EPHA6: variants seen among roughly 807,000 people sequenced by gnomAD.
The protein encoded by EPHA6 is ephrin type-A receptor 6.
In EPHA6, 50 loss-of-function variants were observed where a neutral mutation model predicts 112.0. The observed-to-expected ratio is 0.45, with a 90% CI of 0.36 to 0.56. The LOEUF (loss-of-function observed/expected upper bound fraction) is 0.56, where lower values mean the gene tolerates loss of function less well. Among genes scored for constraint, EPHA6 ranks in the 20% least tolerant of loss-of-function variants. The pLI, the probability that EPHA6 is intolerant of heterozygous loss-of-function variation, is 0.00. For missense variants in EPHA6, 1,280 were observed against 1,417.4 expected (o/e 0.90, Z 1.56); for synonymous variants, 529 against 490.7 (o/e 1.08, Z -1.03).
chr3:97,010,033 G>A (rs969454916), intron 3 of EPHA6: 3 of 1,283,342 alleles, frequency 2.3e-6, no homozygotes, highest in Non-Finnish European at 3.1e-6. Context: ...CTTCTAGTTG[G>A]CCATCTTGGC....
At chr3:97,551,143 A>G (rs1014962638) in intron 11 of EPHA6, among the ~76,000 whole-genome samples, 11 of 152,156 alleles carry the variant, frequency 7.2e-5, no homozygotes, top group Admixed American at 5.9e-4. Flanking sequence ...ATTTAGGTAC[A>G]TGCCTTTCTA....
At chr3:97,599,393 G>A (rs2093624036) in intron 12 of EPHA6, among the ~76,000 whole-genome samples, 1 of 146,982 alleles carries the variant, frequency 6.8e-6, no homozygotes, top group Non-Finnish European at 1.5e-5. Context: ...GGTTTTTATG[G>A]TTTTAGGTCT....
chr3:97,113,260 A>C (rs886368696), intron 3 of EPHA6, among the ~76,000 whole-genome samples: 10 of 152,164 alleles, frequency 6.6e-5, no homozygotes, highest in South Asian at 2.1e-4. Flanking sequence ...CAGGATTTGC[A>C]TTCAAGAAAC....
intron 5 of EPHA6, among the ~76,000 whole-genome samples, chr3:97,392,760 A>G (rs1422150840): frequency 6.6e-6 from 1 of 151,692 alleles, no homozygotes; most frequent in Non-Finnish European, 1.5e-5. Flanking sequence ...GATTTTAGTC[A>G]TCTACTTATT....
At chr3:97,690,546 C>A (rs1271434076) in intron 14 of EPHA6, among the ~76,000 whole-genome samples, 1 of 151,880 alleles carries the variant, frequency 6.6e-6, no homozygotes, top group Non-Finnish European at 1.5e-5. Flanking sequence ...AGGCTCACTG[C>A]AACCTCCACC....
chr3:97,128,128 G>C (rs563122231), intron 3 of EPHA6, among the ~76,000 whole-genome samples: 1 of 152,162 alleles, frequency 6.6e-6, no homozygotes, highest in Non-Finnish European at 1.5e-5. Flanking sequence ...TTTGATTCCT[G>C]AGTTACTTCA....
intron 5 of EPHA6, among the ~76,000 whole-genome samples, chr3:97,343,798 AG>A (rs1463657641): frequency 2.0e-5 from 3 of 152,204 alleles, no homozygotes; most frequent in Non-Finnish European, 4.4e-5. Context: ...TCAAGAGGGC[AG>A]GGTTGGGACA....
chr3:97,313,925 C>T (rs1270003117), intron 5 of EPHA6, among the ~76,000 whole-genome samples: 1 of 151,592 alleles, frequency 6.6e-6, no homozygotes, highest in Non-Finnish European at 1.5e-5. Flanking sequence ...GTTGCTCATG[C>T]TTTTGGAGTC....
intron 2 of EPHA6, among the ~76,000 whole-genome samples, chr3:96,882,003 C>T (rs947347509): frequency 6.6e-5 from 10 of 152,188 alleles, no homozygotes; most frequent in Admixed American, 2.0e-4. Flanking sequence ...GGGGTACAGC[C>T]TCCCTCTTGG....
intron 3 of EPHA6, among the ~76,000 whole-genome samples, chr3:97,151,424 A>G (rs1160345691): frequency 1.3e-5 from 2 of 152,274 alleles, no homozygotes; most frequent in East Asian, 1.9e-4. Context: ...TATACATAGT[A>G]GGTAATCAAT....
At chr3:97,489,530 C>T (rs1244226770) in intron 10 of EPHA6, among the ~76,000 whole-genome samples, 1 of 151,794 alleles carries the variant, frequency 6.6e-6, no homozygotes, top group African/African-American at 2.4e-5. Context: ...CTAAAAAACA[C>T]AAAAAATTAG....
intron 14 of EPHA6, 87 bp downstream of exon 14, chr3:97,638,169 A>T (rs2093966553): frequency 1.1e-6 from 1 of 944,328 alleles, no homozygotes; most frequent in Non-Finnish European, 1.5e-6. Flanking sequence ...TGCCTTCCTA[A>T]TTTTCTGCTT....
At chr3:97,348,393 G>T (rs189062554) in intron 5 of EPHA6, among the ~76,000 whole-genome samples, 25 of 151,978 alleles carry the variant, frequency 1.6e-4, no homozygotes, top group Admixed American at 1.6e-3. Flanking sequence ...TTAAAACTTG[G>T]CAGAAATAAG....
chr3:97,151,028 A>C (rs1157572209), intron 3 of EPHA6, among the ~76,000 whole-genome samples: 2 of 152,154 alleles, frequency 1.3e-5, no homozygotes, highest in Admixed American at 6.6e-5. Context: ...GGAATACTAC[A>C]TAGAAGTCTC....
intron 10 of EPHA6, among the ~76,000 whole-genome samples, chr3:97,495,351 G>A (rs1010114389): frequency 2.6e-5 from 4 of 151,016 alleles, no homozygotes; most frequent in African/African-American, 7.3e-5. Context: ...GTCTAGATAT[G>A]TAATACCTAT....
chr3:97,539,221 C>A (rs117432644), intron 11 of EPHA6, among the ~76,000 whole-genome samples: 1 of 150,760 alleles, frequency 6.6e-6, no homozygotes, highest in East Asian at 2.0e-4. Flanking sequence ...GATCTGGGCT[C>A]ACTGCAACCT....
intron 5 of EPHA6, among the ~76,000 whole-genome samples, chr3:97,307,217 G>T (rs373310623): frequency 6.6e-6 from 1 of 151,398 alleles, no homozygotes; most frequent in East Asian, 1.9e-4. Flanking sequence ...CCTCATCCCC[G>T]CCCACTCTTC....
chr3:96,992,660 C>A (rs139996967), intron 3 of EPHA6, among the ~76,000 whole-genome samples: 168 of 152,148 alleles, frequency 1.1e-3, no homozygotes, highest in African/African-American at 3.8e-3. Flanking sequence ...CTCACCTTAG[C>A]ATTCAAGGAA....
At position 97,501,871 on chromosome 3, in the gene EPHA6, G is replaced by A. The variant is rs537579522; in HGVS notation, c.2200+17812G>A. Among the ~76,000 whole-genome samples the A allele has an allele frequency of 4.6e-5, 7 of 152,038 alleles. No individual in the cohort carries two copies. The South Asian group carries it at 1.2e-3, about 27-fold the overall frequency. On this transcript the variant is annotated intron_variant, in intron 10 of 17. Transcript: ENST00000389672. Reference sequence around the variant, plus strand: ...GTAAATGGTGGTCAAGGGTGCACAGGCTTATGCAAACCCACCCCCAAATTC... The same window carrying A: ...GTAAATGGTGGTCAAGGGTGCACAGACTTATGCAAACCCACCCCCAAATTC...
Sources: gnomAD v4.1 joint callset for allele counts (sites outside exome capture counted in the v4.1 genomes callset) on GRCh38, gnomAD v4.1.1 for gene constraint, MANE v1.5 for transcripts, NCBI Gene and HGNC (gene_info 2026-07-23, HGNC 2026-07-21) for gene names.